The following SOCS5 variants were observed in gnomAD, a reference collection of about 807,000 sequenced individuals.
SOCS5 encodes suppressor of cytokine signaling 5.
Under a neutral mutation model 42.8 loss-of-function variants are expected in SOCS5, and 32 were observed. The ratio of observed to expected loss-of-function variants is 0.75; its 90% CI spans 0.56 to 1.01. The LOEUF is 1.01. Ranked by LOEUF, SOCS5 falls within the 50% of genes least tolerant of loss-of-function variation. The pLI, the probability that SOCS5 is intolerant of heterozygous loss-of-function variation, is 0.00. For missense variants in SOCS5, 627 were observed against 653.0 expected, an observed-to-expected ratio of 0.96 and a Z score of 0.43; for synonymous variants, 283 against 229.6, an observed-to-expected ratio of 1.23 and a Z score of -2.10.
chr2:46,707,598 G>A (rs1672525227), intron 1 of SOCS5, among the ~76,000 whole-genome samples: 1 of 152,156 alleles, frequency 6.6e-6, no homozygotes, highest in Admixed American at 6.5e-5. Flanking sequence ...ATTGTGAAGG[G>A]TTTTGTATGT....
rs530150380 is a variant in SOCS5, at chr2:46,725,794, G to A, written c.-13+26345G>A. Among the ~76,000 whole-genome samples, 3 of 152,046 alleles carry A rather than the reference G, an allele frequency of 2.0e-5. No homozygotes were observed. The Middle Eastern group carries it at 0.01, about 517-fold the overall frequency. On this transcript the variant is annotated intron_variant, in intron 1 of 1. Transcript: ENST00000394861. The stretch of plus-strand genomic sequence containing the variant: ...CTTCTATCCTTTAGTAACTCCTTCA[G>A]AGTGGATCTGCTGGTAATGAATTCT...
intron 1 of SOCS5, among the ~76,000 whole-genome samples, chr2:46,725,298 C>T (rs1231292813): frequency 6.6e-6 from 1 of 151,714 alleles, no homozygotes; most frequent in Admixed American, 6.6e-5. Flanking sequence ...ATTGGGTCAT[C>T]CTTTTCAAAA....
intron 1 of SOCS5, among the ~76,000 whole-genome samples, chr2:46,721,550 A>C (rs1455301189): frequency 6.6e-6 from 1 of 152,218 alleles, no homozygotes; most frequent in African/African-American, 2.4e-5. Flanking sequence ...TGCTGTTGTC[A>C]TTTAAAAGGA....
intron 1 of SOCS5, among the ~76,000 whole-genome samples, chr2:46,750,455 GTCT>G (rs1191157638): frequency 6.6e-6 from 1 of 151,960 alleles, no homozygotes; most frequent in Admixed American, 6.6e-5. Context: ...TTGGTTCTGT[GTCT>G]TCTTTTTTCT....
Position 46,759,646 on chromosome 2 carries a change from T to C in SOCS5, c.1116T>C (p.Asp372=), listed in dbSNP as rs749680446. ...ATTACATACACTGCCTCGTGCCTGA[T>C]TTGCTTCAAATTACAGGGAATCCCT... ...QIDYIHCLVP[D]LLQITGNPCY... is the part of the protein sequence containing the mutation. Residue 372 remains aspartate, a synonymous_variant, in exon 2 of 2, where the codon GAT becomes GAC. Transcript: ENST00000394861. 1.3e-5 allele frequency: 21 copies of C among 1,613,966 alleles called. No individual in the cohort carries two copies. The African/African-American group carries it at 2.8e-4, about 22-fold the overall frequency.
intron 1 of SOCS5, among the ~76,000 whole-genome samples, chr2:46,756,359 G>C (rs908274508): frequency 6.6e-6 from 1 of 152,166 alleles, no homozygotes; most frequent in Non-Finnish European, 1.5e-5. Context: ...AAAGGGGCTA[G>C]ATAGAAAATA....
intron 1 of SOCS5, among the ~76,000 whole-genome samples, chr2:46,718,160 G>A (rs78820632): frequency 0.018 from 2,690 of 152,210 alleles, 36 homozygotes; most frequent in Non-Finnish European, 0.023. Context: ...GGGCATTTGT[G>A]AGTCTTTGTT....
At chr2:46,752,446 A>T (rs1018692096) in intron 1 of SOCS5, among the ~76,000 whole-genome samples, 1 of 152,114 alleles carries the variant, frequency 6.6e-6, no homozygotes, top group African/African-American at 2.4e-5. Context: ...ACCCTTCCCC[A>T]TAATAGGCAA....
chr2:46,739,427 GCTTT>G (rs1320883077), intron 1 of SOCS5, among the ~76,000 whole-genome samples: 1 of 152,094 alleles, frequency 6.6e-6, no homozygotes, highest in Admixed American at 6.5e-5. Flanking sequence ...ACTGCTTTCT[GCTTT>G]CTTTGTTGTC....
chr2:46,714,935 A>G (rs1040392991), intron 1 of SOCS5, among the ~76,000 whole-genome samples: 1 of 151,868 alleles, frequency 6.6e-6, no homozygotes, highest in African/African-American at 2.4e-5. Context: ...GTTAATCGTG[A>G]TTTGCCTTCA....
At chr2:46,756,821 C>G (rs1272010950) in intron 1 of SOCS5, among the ~76,000 whole-genome samples, 1 of 152,062 alleles carries the variant, frequency 6.6e-6, no homozygotes, top group Non-Finnish European at 1.5e-5. Context: ...GAACGGAAAT[C>G]TTAATTTAAG....
chr2:46,751,228 A>G (rs1387027915), intron 1 of SOCS5, among the ~76,000 whole-genome samples: 1 of 152,124 alleles, frequency 6.6e-6, no homozygotes, highest in Admixed American at 6.5e-5. Flanking sequence ...AATTGTCATC[A>G]CAGCCATTAC....
rs139050368 is a variant in SOCS5 at position 46,711,898 on chromosome 2, A to G, written c.-13+12449A>G. Among the ~76,000 whole-genome samples, 1,319 of 152,254 alleles carry G rather than the reference A, an allele frequency of 8.7e-3. 10 individuals carry two copies. Among genetic ancestry groups the G allele is most frequent in the African/African-American group, 0.016 (664 of 41,542 alleles). On this transcript the variant is annotated intron_variant, in intron 1 of 1. Coordinates refer to ENST00000394861, the MANE Select transcript of SOCS5 (RefSeq NM_144949.3). ...TTGTTAAAGCGCAGTTAATGGAGTAAGTGTGGATCTGTCTCTAAACTCTAT... is the reference window on the plus strand; with the variant it reads ...TTGTTAAAGCGCAGTTAATGGAGTAGGTGTGGATCTGTCTCTAAACTCTAT...
At position 46,760,056 on chromosome 2, in the gene SOCS5, T is replaced by C; in HGVS notation, c.1526T>C (p.Met509Thr). 6.2e-7 allele frequency: 1 copy of C among 1,614,012 alleles called. No homozygotes were observed. Among genetic ancestry groups the C allele is most frequent in the South Asian group, 1.1e-5 (1 of 91,082 alleles). Residue 509 changes from methionine to threonine, a missense_variant, in exon 2 of 2, where the codon ATG (methionine) becomes ACG (threonine). Around this residue, in one of 3 missense-constraint regions of SOCS5, gnomAD observed 340 missense variants for 367.6 expected, o/e 0.92. Coordinates refer to ENST00000394861, the MANE Select transcript of SOCS5 (RefSeq NM_144949.3). Reference protein sequence around the residue: ...DGIDGLPLPSMLQDFLKEYHY... With the variant: ...DGIDGLPLPSTLQDFLKEYHY... ...ATTGATGGGCTCCCTCTACCCTCAA[T>C]GTTACAGGATTTTTTAAAAGAGTAT... is the stretch of plus-strand genomic sequence containing the variant.
rs41332745 is a variant in SOCS5 at position 46,762,392 on chromosome 2, A to G, written c.*2251A>G. On this transcript the variant is annotated 3_prime_UTR_variant, in exon 2 of 2. Coordinates refer to ENST00000394861, the MANE Select transcript of SOCS5 (RefSeq NM_144949.3). ...GAGAGGAAACTTGAAACTCCAAGAA[A>G]GCACTTGATGTTTTTATATGCTTGT... The G allele has an allele frequency of 4.4e-4, 73 of 166,882 alleles. No individual in the cohort carries two copies. Among genetic ancestry groups the G allele is most frequent in the African/African-American group, 1.7e-3 (71 of 41,598 alleles). 10.3% of individuals were successfully genotyped at this position (166,882 alleles called of 1,614,324 possible). A position where few individuals can be genotyped will look rare whatever the true frequency, so the allele number is the denominator to read the frequency against.
At chr2:46,745,104 A>C (rs1673469556) in intron 1 of SOCS5, among the ~76,000 whole-genome samples, 1 of 152,098 alleles carries the variant, frequency 6.6e-6, no homozygotes, top group Non-Finnish European at 1.5e-5. Flanking sequence ...AGTAAGTCTT[A>C]ATTCATTTCA....
At chr2:46,750,726 T>TA (rs564499383) in intron 1 of SOCS5, among the ~76,000 whole-genome samples, 66 of 152,326 alleles carry the variant, frequency 4.3e-4, no homozygotes, top group African/African-American at 1.5e-3. Context: ...AAAGTACAGA[T>TA]ACCGAAACAT....
intron 1 of SOCS5, among the ~76,000 whole-genome samples, chr2:46,729,694 G>A (rs1334189699): frequency 6.6e-6 from 1 of 152,172 alleles, no homozygotes; most frequent in Non-Finnish European, 1.5e-5. Flanking sequence ...TGAGTGAGTG[G>A]TGTGTGAATG....
At chr2:46,726,498 A>G (rs1413866501) in intron 1 of SOCS5, among the ~76,000 whole-genome samples, 3 of 152,046 alleles carry the variant, frequency 2.0e-5, no homozygotes, top group Non-Finnish European at 4.4e-5. Context: ...TATTTCCTCA[A>G]ATATTTTTCT....
Sources: gnomAD v4.1 joint callset for allele counts (sites outside exome capture counted in the v4.1 genomes callset) on GRCh38, gnomAD v4.1.1 for gene constraint, gnomAD v4.1.1 regional missense constraint, MANE v1.5 for transcripts, NCBI Gene and HGNC (gene_info 2026-07-23, HGNC 2026-07-21) for gene names.